Variants in PRDM11 observed in about 807,000 individuals in gnomAD.
The protein encoded by PRDM11 is PR/SET domain 11.
A neutral mutation model predicts 97.8 loss-of-function variants in PRDM11; 20 were observed. The observed-to-expected ratio is 0.20, with a 90% CI of 0.14 to 0.30. The LOEUF (loss-of-function observed/expected upper bound fraction) is 0.30. Among genes scored for constraint, PRDM11 ranks in the 10% least tolerant of loss-of-function variants. The pLI, the probability that PRDM11 is intolerant of heterozygous loss-of-function variation, is 1.00. For synonymous variants in PRDM11, 599 were observed against 637.7 expected, an observed-to-expected ratio of 0.94 and a Z score of 0.91; for missense variants, 1,139 against 1,555.2, an observed-to-expected ratio of 0.73 and a Z score of 4.50.
At chr11:45,098,944 T>C (rs1365967088) in intron 1 of PRDM11, among the ~76,000 whole-genome samples, 1 of 152,030 alleles carries the variant, frequency 6.6e-6, no homozygotes, top group Non-Finnish European at 1.5e-5. Context: ...AAAGAGTCAA[T>C]GGAGTGTTTC....
rs1854440654 is a variant in PRDM11, at chr11:45,233,517, C to T, written c.*5358C>T. ...GACCACTGCACAAACTCCTTCAAAACCCTCCCGCACCAGGACTGAGCAGCG... is the reference window on the plus strand; with the variant it reads ...GACCACTGCACAAACTCCTTCAAAATCCTCCCGCACCAGGACTGAGCAGCG... On this transcript the variant is annotated 3_prime_UTR_variant, in exon 8 of 8. Coordinates refer to ENST00000683152, the MANE Select transcript of PRDM11 (RefSeq NM_001384648.1). The T allele has an allele frequency of 6.6e-6, 1 of 152,208 alleles. No homozygotes were observed. The highest frequency in any genetic ancestry group is 1.5e-5 in the Non-Finnish European group (1 of 68,092). The allele number at this position is 152,208 out of a possible 1,614,324, so 9.4% of individuals were successfully genotyped here.
intron 1 of PRDM11, among the ~76,000 whole-genome samples, chr11:45,101,646 C>T (rs112228319): frequency 6.9e-6 from 1 of 144,330 alleles, no homozygotes; most frequent in South Asian, 2.2e-4. Flanking sequence ...AAGAAGAAGG[C>T]GTTCAGGGCT....
At chr11:45,201,639 G>A (rs945128398) in intron 4 of PRDM11, among the ~76,000 whole-genome samples, 1 of 152,022 alleles carries the variant, frequency 6.6e-6, no homozygotes, top group Admixed American at 6.6e-5. Flanking sequence ...GACCACAGGC[G>A]TGCACTACCA....
intron 1 of PRDM11, among the ~76,000 whole-genome samples, chr11:45,165,893 C>T (rs1351032230): frequency 6.6e-6 from 1 of 152,158 alleles, no homozygotes; most frequent in Non-Finnish European, 1.5e-5. Flanking sequence ...CCCATTGCAG[C>T]CTGTCTCCCC....
intron 4 of PRDM11, among the ~76,000 whole-genome samples, chr11:45,192,670 A>G (rs1852957322): frequency 6.6e-6 from 1 of 152,192 alleles, no homozygotes; most frequent in African/African-American, 2.4e-5. Context: ...TGTTTCTCAC[A>G]CCTGAACAGT....
In PRDM11 at chr11:45,219,654, G is replaced by A. The variant is rs372437355; in HGVS notation, c.639G>A (p.Arg213=). 1.9e-6 allele frequency: 3 copies of A among 1,613,992 alleles called. No homozygotes were observed. The highest frequency in any genetic ancestry group is 2.7e-5 in the African/African-American group (2 of 74,898). The stretch of plus-strand genomic sequence containing the variant: ...AGCGCATCTACTTCCGGGCGTGCAG[G>A]GACATCCGGCCTGGGGAGTGGCTGC... ...HSERIYFRAC[R]DIRPGEWLRV... The change falls in exon 6 of 8, where the codon AGG becomes AGA. Residue 213 remains arginine (R), a synonymous_variant. Coordinates refer to ENST00000683152, the MANE Select transcript of PRDM11 (RefSeq NM_001384648.1). The surrounding 1 kb of genome is among the most constrained non-coding windows in gnomAD (Gnocchi z 4.2).
intron 1 of PRDM11, among the ~76,000 whole-genome samples, chr11:45,127,916 GCTGT>G: frequency 6.6e-6 from 1 of 152,354 alleles, no homozygotes; most frequent in East Asian, 1.9e-4. Context: ...AGAGGTTACT[GCTGT>G]CTTTTTGTCT....
At chr11:45,192,618 C>T (rs538156288) in intron 4 of PRDM11, among the ~76,000 whole-genome samples, 1 of 152,252 alleles carries the variant, frequency 6.6e-6, no homozygotes, top group South Asian at 2.1e-4. Flanking sequence ...CTAACCTGAC[C>T]TCCTCTATTT....
intron 3 of PRDM11, 72 bp from the exon 4 acceptor site, chr11:45,182,789 C>T: frequency 6.7e-7 from 1 of 1,484,082 alleles, no homozygotes; most frequent in South Asian, 1.3e-5. Context: ...CTGTCAGCCC[C>T]TCTACCTCCC....
chr11:45,233,262 G>T lies in PRDM11; in HGVS notation c.*5103G>T, dbSNP rs1854434317. The T allele has an allele frequency of 6.6e-6, 1 of 152,332 alleles. No individual in the cohort carries two copies. The allele number at this position is 152,332 out of a possible 1,614,324, so 9.4% of individuals were successfully genotyped here. A position where few individuals can be genotyped will look rare whatever the true frequency, so the allele number is the denominator to read the frequency against. ...GAGCCGGGGAAGGCCAGCAGGCAGG[G>T]TTGGCTGGCAAGGGGGCCTCCTACC... On this transcript the variant is annotated 3_prime_UTR_variant, in exon 8 of 8. Coordinates refer to ENST00000683152, the MANE Select transcript of PRDM11 (RefSeq NM_001384648.1).
intron 1 of PRDM11, among the ~76,000 whole-genome samples, chr11:45,118,246 G>C (rs905990229): frequency 1.3e-5 from 2 of 152,056 alleles, no homozygotes; most frequent in African/African-American, 2.4e-5. Context: ...CAAAAAACCA[G>C]GTGAAACCTA....
At chr11:45,166,899 A>G (rs529380140) in intron 1 of PRDM11, among the ~76,000 whole-genome samples, 1 of 152,362 alleles carries the variant, frequency 6.6e-6, no homozygotes, top group South Asian at 2.1e-4. Context: ...CAAACTTGAC[A>G]TACAGTAATT....
At chr11:45,204,679 G>C (rs1327213685) in intron 4 of PRDM11, 32 bp from the exon 5 acceptor site, 1 of 1,578,828 alleles carries the variant, frequency 6.3e-7, no homozygotes, top group African/African-American at 1.3e-5. Flanking sequence ...CCTCTAGAAT[G>C]GCCCATCCTA....
intron 4 of PRDM11, among the ~76,000 whole-genome samples, chr11:45,193,073 T>G (rs1040381648): frequency 1.3e-5 from 2 of 152,208 alleles, no homozygotes; most frequent in Non-Finnish European, 1.5e-5. Context: ...AATCTTTTAT[T>G]TATGTATGTA....
At position 45,126,912 on chromosome 11, in the gene PRDM11, G is replaced by C. The variant is rs180936991; in HGVS notation, c.96+31011G>C. On this transcript the variant is annotated intron_variant, in intron 1 of 6. Coordinates refer to the PRDM11 transcript ENST00000530656. ...TTGCTAGATTGGGGAAGTTCTCCTGGATAATATCCTGCAGAGTGTTTTCCA... is the reference window on the plus strand; with the variant it reads ...TTGCTAGATTGGGGAAGTTCTCCTGCATAATATCCTGCAGAGTGTTTTCCA... 6.6e-3 allele frequency among the ~76,000 whole-genome samples: 998 copies of C among 152,306 alleles called. 8 individuals carry two copies. Among genetic ancestry groups the C allele is most frequent in the African/African-American group, 0.023 (964 of 41,560 alleles).
intron 1 of PRDM11, among the ~76,000 whole-genome samples, chr11:45,155,293 G>T (rs887856322): frequency 3.3e-5 from 5 of 152,228 alleles, no homozygotes; most frequent in African/African-American, 1.2e-4. Context: ...GGAGATGGCC[G>T]GCTTGGGAGG....
At chr11:45,158,893 G>C (rs897808147) in intron 1 of PRDM11, among the ~76,000 whole-genome samples, 1 of 152,094 alleles carries the variant, frequency 6.6e-6, no homozygotes, top group Non-Finnish European at 1.5e-5. Context: ...AAGGTTGTCC[G>C]TGTCCGGGTC....
intron 4 of PRDM11, among the ~76,000 whole-genome samples, chr11:45,195,899 A>C (rs558337972): frequency 1.8e-4 from 27 of 152,308 alleles, no homozygotes; most frequent in South Asian, 2.1e-4. Context: ...TTATGGCCTA[A>C]AAATGTTCCA....
Position 45,226,626 on chromosome 11 carries a change from C to A in PRDM11, c.2001C>A (p.Asp667Glu). The change falls in exon 8 of 8, where the codon GAC (aspartate) becomes GAA (glutamate). Residue 667 changes from aspartate to glutamate, a missense_variant. This residue lies in a region of PRDM11 where 710 missense variants were observed against 1,044.9 expected (regional missense o/e 0.68). Coordinates refer to ENST00000683152, the MANE Select transcript of PRDM11 (RefSeq NM_001384648.1). The part of the protein sequence containing the change: ...CLSVILDGQS[D>E]DLLADTVAVY... ...GCGTCATCCTGGATGGGCAGAGCGA[C>A]GACCTGCTGGCCGACACGGTGGCTG... The A allele has an allele frequency of 2.6e-6, 4 of 1,533,978 alleles. No homozygotes were observed. Among genetic ancestry groups the A allele is most frequent in the Non-Finnish European group, 3.5e-6 (4 of 1,146,734 alleles).
Sources: allele counts gnomAD v4.1 joint callset (sites outside exome capture counted in the v4.1 genomes callset), GRCh38; gene constraint gnomAD v4.1.1; regional missense constraint gnomAD v4.1.1; non-coding constraint Gnocchi (gnomAD v3.1); transcripts MANE v1.5; gene names NCBI Gene and HGNC (gene_info 2026-07-23, HGNC 2026-07-21).